NEBL: variants seen among roughly 807,000 people sequenced by gnomAD.
NEBL encodes the protein LIM and SH3 protein 2.
A neutral mutation model predicts 140.2 loss-of-function variants in NEBL; 122 were observed. That is an observed-to-expected ratio of 0.87 (90% CI 0.75 to 1.01). The LOEUF (loss-of-function observed/expected upper bound fraction) is 1.01, where lower values mean the gene tolerates loss of function less well. NEBL is among the 50% of genes least tolerant of loss of function. The probability of loss-of-function intolerance (pLI) is 0.00; values close to 1 mark genes in which losing one functional copy is unlikely to be tolerated. For synonymous variants in NEBL, 436 were observed against 398.9 expected (o/e 1.09, Z -1.11); for missense variants, 1,365 against 1,231.3 (o/e 1.11, Z -1.62).
rs1402565386 is a variant in NEBL at position 20,794,623 on chromosome 10, A to G, written c.2762-7315T>C. Among the ~76,000 whole-genome samples the G allele has an allele frequency of 2.0e-5, 3 of 152,330 alleles. No homozygotes were observed. The East Asian group carries it at 5.8e-4, about 29-fold the overall frequency. On this transcript the variant is annotated intron_variant, in intron 26 of 27. Coordinates refer to ENST00000377122, the MANE Select transcript of NEBL (RefSeq NM_006393.3). ...CTTTATAAGAAAATGCAACCTACAT[A>G]AAAGTATTTAAGCACTCAGGTGTAT...
chr10:20,884,931 C>G (rs1359293439), intron 4 of NEBL, among the ~76,000 whole-genome samples: 6 of 152,204 alleles, frequency 3.9e-5, no homozygotes, highest in Non-Finnish European at 1.5e-5. Context: ...AAATGGCCTC[C>G]TAAAAACTCT....
chr10:21,086,065 C>A (rs1836615529), intron 2 of NEBL, among the ~76,000 whole-genome samples: 2 of 151,900 alleles, frequency 1.3e-5, no homozygotes, highest in South Asian at 4.2e-4. Context: ...TGTTTTCAAC[C>A]AGGAGAATCT....
intron 14 of NEBL, among the ~76,000 whole-genome samples, chr10:20,832,149 T>C (rs550189883): frequency 1.3e-4 from 20 of 152,180 alleles, no homozygotes; most frequent in African/African-American, 2.2e-4. Flanking sequence ...GACAAGTCAA[T>C]GTTCCCCACT....
intron 21 of NEBL, 144 bp downstream of exon 21, chr10:20,817,456 C>T: frequency 1.3e-6 from 1 of 778,490 alleles, no homozygotes; most frequent in Non-Finnish European, 2.2e-6. Flanking sequence ...ACCAAAGTCC[C>T]CGAAATCTTT....
chr10:21,206,732 G>T (rs1410322432), intron 3 of NEBL, among the ~76,000 whole-genome samples: 1 of 152,122 alleles, frequency 6.6e-6, no homozygotes, highest in Non-Finnish European at 1.5e-5. Context: ...TATAGAGATC[G>T]TTGACTGGTA....
intron 19 of NEBL, 134 bp downstream of exon 19, chr10:20,823,074 G>T (rs533134626): frequency 1.4e-5 from 9 of 644,004 alleles, no homozygotes; most frequent in Non-Finnish European, 2.4e-5. Flanking sequence ...TAAAATGCTA[G>T]CTCCACTTTT....
At chr10:20,898,822 C>T (rs561625266), upstream of NEBL, among the ~76,000 whole-genome samples, 40 of 152,176 alleles carry the variant, frequency 2.6e-4, 1 homozygote, top group Middle Eastern at 3.4e-3. Context: ...TTTAATCATA[C>T]CCACTACCCC....
chr10:21,130,424 A>G lies in NEBL; in HGVS notation c.164+41959T>C, dbSNP rs1461490423. Among the ~76,000 whole-genome samples the G allele has an allele frequency of 2.0e-5, 3 of 152,204 alleles. No homozygotes were observed. The South Asian group carries it at 6.2e-4, about 32-fold the overall frequency. On this transcript the variant is annotated intron_variant, in intron 2 of 6. Transcript: ENST00000417816. ...AGCATATCATTGACATGTATAGACTACTTTACCCAACAACAGCAGAATACA... is the reference window on the plus strand; with the variant it reads ...AGCATATCATTGACATGTATAGACTGCTTTACCCAACAACAGCAGAATACA...
At chr10:21,035,245 G>A (rs1410283262) in intron 2 of NEBL, among the ~76,000 whole-genome samples, 5 of 152,018 alleles carry the variant, frequency 3.3e-5, no homozygotes, top group African/African-American at 4.8e-5. Context: ...TGATCTGCCC[G>A]CTTCGGCCTC....
intron 2 of NEBL, among the ~76,000 whole-genome samples, chr10:21,024,749 C>G (rs980967690): frequency 4.6e-5 from 7 of 152,144 alleles, no homozygotes; most frequent in African/African-American, 1.7e-4. Context: ...TCCATCTAAT[C>G]TAATCCGACA....
chr10:21,031,825 T>G (rs1002590924), intron 2 of NEBL, among the ~76,000 whole-genome samples: 6 of 152,200 alleles, frequency 3.9e-5, no homozygotes, highest in Non-Finnish European at 7.4e-5. Flanking sequence ...ATACACATAC[T>G]CACTTTACTA....
chr10:20,781,553 T>C lies in NEBL; in HGVS notation c.*4194A>G, dbSNP rs1253298762. On this transcript the variant is annotated 3_prime_UTR_variant, in exon 28 of 28. Transcript: ENST00000377122. ...TAACAGCAACTGGATTACAAAGAAGTGATACTATGCAAACTGGATACCATG... is the reference window on the plus strand; with the variant it reads ...TAACAGCAACTGGATTACAAAGAAGCGATACTATGCAAACTGGATACCATG... The C allele has an allele frequency of 1.3e-5, 2 of 152,204 alleles. No homozygotes were observed. The highest frequency in any genetic ancestry group is 2.9e-5 in the Non-Finnish European group (2 of 68,034). The allele number at this position is 152,204 out of a possible 1,614,324, so 9.4% of individuals were successfully genotyped here. A position where few individuals can be genotyped will look rare whatever the true frequency, so the allele number is the denominator to read the frequency against.
intron 3 of NEBL, 67 bp from the exon 4 acceptor site, chr10:20,888,274 A>C (rs995440238): frequency 7.3e-6 from 7 of 957,212 alleles, no homozygotes; most frequent in Non-Finnish European, 3.2e-6. Flanking sequence ...TGTGATTATA[A>C]GTAGAAAAGA....
chr10:20,999,162 G>GAA lies in NEBL; in HGVS notation c.249+20953_249+20954dup, dbSNP rs1221089029. 3.0e-3 allele frequency among the ~76,000 whole-genome samples: 405 copies of GAA among 136,186 alleles called. 1 individual carries two copies. Among genetic ancestry groups the GAA allele is most frequent in the African/African-American group, 9.9e-3 (382 of 38,426 alleles). The allele number at this position is 136,186 out of a possible 152,430, so 89.3% of individuals were successfully genotyped here. ...ACAGAAACCCAGAGGTGTGTGGGGG[G>GAA]AAAAAAAAAAAAAAAGGCTGTCAGG... On this transcript the variant is annotated intron_variant, in intron 3 of 6. Transcript: ENST00000417816.
chr10:20,937,769 C>T (rs192871326), intron 4 of NEBL, among the ~76,000 whole-genome samples: 3 of 152,280 alleles, frequency 2.0e-5, no homozygotes, highest in Admixed American at 2.0e-4. Flanking sequence ...ACGGTTTTAG[C>T]AAACGGCACA....
At chr10:21,177,374 A>C (rs1433557003), upstream of NEBL, among the ~76,000 whole-genome samples, 1 of 152,210 alleles carries the variant, frequency 6.6e-6, no homozygotes, top group Non-Finnish European at 1.5e-5. Flanking sequence ...GTAAGAAATA[A>C]TTGTTATAAG....
intron 3 of NEBL, among the ~76,000 whole-genome samples, chr10:21,015,422 A>G (rs1838515655): frequency 6.6e-6 from 1 of 152,240 alleles, no homozygotes; most frequent in Admixed American, 6.5e-5. Context: ...TTCCCTTCCA[A>G]TAAGAGTGTG....
chr10:20,933,108 G>A (rs10082506), intron 4 of NEBL, among the ~76,000 whole-genome samples: 3,581 of 151,942 alleles, frequency 0.024, 146 homozygotes, highest in African/African-American at 0.08. Flanking sequence ...AGATTCTCTC[G>A]ATGTGTTTGC....
intron 3 of NEBL, among the ~76,000 whole-genome samples, chr10:21,231,648 T>G (rs530403700): frequency 3.3e-5 from 5 of 151,702 alleles, no homozygotes; most frequent in Non-Finnish European, 7.4e-5. Flanking sequence ...CAGAGGAAGG[T>G]ACAGTGAACA....
Sources: allele counts gnomAD v4.1 joint callset (sites outside exome capture counted in the v4.1 genomes callset), GRCh38; gene constraint gnomAD v4.1.1; transcripts MANE v1.5; gene names NCBI Gene and HGNC (gene_info 2026-07-23, HGNC 2026-07-21).